Variants in GABRG3 observed in about 807,000 individuals in gnomAD.
GABRG3 encodes gamma-aminobutyric acid type A receptor subunit gamma3, also known as gamma-aminobutyric acid receptor subunit gamma-3.
GABRG3 carries 25 observed loss-of-function variants against 48.8 expected under a neutral mutation model. The ratio of observed to expected loss-of-function variants is 0.51; its 90% CI spans 0.37 to 0.72. The LOEUF is 0.72. Ranked by LOEUF, GABRG3 falls within the 30% of genes least tolerant of loss-of-function variation. GABRG3 has a pLI of 0.00. For synonymous variants in GABRG3, 227 were observed against 217.6 expected (o/e 1.04, Z -0.38); for missense variants, 394 against 577.9 (o/e 0.68, Z 3.26).
At chr15:27,438,514 C>T (rs1280849364) in intron 5 of GABRG3, among the ~76,000 whole-genome samples, 1 of 152,190 alleles carries the variant, frequency 6.6e-6, no homozygotes, top group Non-Finnish European at 1.5e-5. Flanking sequence ...AGCTCTGGAA[C>T]AGTCACCCCA....
chr15:26,978,727 A>G (rs1317051404), intron 2 of GABRG3, among the ~76,000 whole-genome samples: 2 of 152,178 alleles, frequency 1.3e-5, no homozygotes, highest in Admixed American at 6.5e-5. Flanking sequence ...TTATTACCAT[A>G]GCTGTATAAT....
intron 3 of GABRG3, among the ~76,000 whole-genome samples, chr15:27,042,812 C>T (rs527293537): frequency 7.8e-4 from 119 of 152,294 alleles, no homozygotes; most frequent in African/African-American, 2.8e-3. Context: ...TCAGGCTGGC[C>T]TGTCCTGGGA....
At chr15:27,298,680 C>T (rs1892087257) in intron 3 of GABRG3, among the ~76,000 whole-genome samples, 1 of 151,476 alleles carries the variant, frequency 6.6e-6, no homozygotes, top group Non-Finnish European at 1.5e-5. Flanking sequence ...TTTTATATTT[C>T]CAATCCTTTA....
chr15:27,224,205 G>C (rs1392060081), intron 3 of GABRG3, among the ~76,000 whole-genome samples: 1 of 152,144 alleles, frequency 6.6e-6, no homozygotes, highest in South Asian at 2.1e-4. Context: ...TTTCATCCCC[G>C]GTGCTTTCCG....
intron 5 of GABRG3, among the ~76,000 whole-genome samples, chr15:27,438,199 C>A (rs1220239144): frequency 6.6e-6 from 1 of 152,170 alleles, no homozygotes; most frequent in African/African-American, 2.4e-5. Flanking sequence ...AGCCAGGTTC[C>A]ACTCTCCTGA....
At chr15:27,407,340 A>G (rs1321102010) in intron 5 of GABRG3, among the ~76,000 whole-genome samples, 2 of 152,212 alleles carry the variant, frequency 1.3e-5, no homozygotes, top group Non-Finnish European at 2.9e-5. Context: ...ATGGAGCAGC[A>G]GGAACTCTCA....
chr15:27,333,878 A>T (rs529063424), intron 5 of GABRG3, among the ~76,000 whole-genome samples: 2 of 152,250 alleles, frequency 1.3e-5, no homozygotes, highest in East Asian at 3.9e-4. Flanking sequence ...GTCTTAATAT[A>T]TTTTATGGAA....
chr15:27,286,357 C>T (rs879614575), intron 3 of GABRG3, among the ~76,000 whole-genome samples: 8 of 152,308 alleles, frequency 5.3e-5, no homozygotes, highest in East Asian at 1.9e-4. Context: ...TCTTTTTCCA[C>T]GGCTGACTCC....
At chr15:27,159,684 G>T (rs1031670928) in intron 3 of GABRG3, among the ~76,000 whole-genome samples, 1 of 151,862 alleles carries the variant, frequency 6.6e-6, no homozygotes, top group African/African-American at 2.4e-5. Flanking sequence ...TTCCCCTTTT[G>T]TTCCCCCGCT....
At chr15:27,208,951 G>A (rs952047074) in intron 3 of GABRG3, among the ~76,000 whole-genome samples, 1 of 152,080 alleles carries the variant, frequency 6.6e-6, no homozygotes, top group Non-Finnish European at 1.5e-5. Context: ...AGAAACTGAA[G>A]AAAAAAGAGA....
In GABRG3 at chr15:27,357,694, A is replaced by G. The variant is rs563074711; in HGVS notation, c.574+28806A>G. ...GATTTTCATATCTGCTTCCGCATTC[A>G]ATCTGTTGCAACATGTAATTTCTGT... On this transcript the variant is annotated intron_variant, in intron 5 of 9. Transcript: ENST00000615808. Among the ~76,000 whole-genome samples the G allele has an allele frequency of 6.3e-4, 96 of 152,350 alleles. 1 individual carries two copies. The highest frequency in any genetic ancestry group is 2.3e-3 in the African/African-American group (94 of 41,588).
intron 3 of GABRG3, among the ~76,000 whole-genome samples, chr15:27,126,524 A>G (rs1897823954): frequency 6.6e-6 from 1 of 152,170 alleles, no homozygotes; most frequent in African/African-American, 2.4e-5. Context: ...GTGGTGCGCC[A>G]TGGCCAACTG....
intron 5 of GABRG3, among the ~76,000 whole-genome samples, chr15:27,430,036 A>G (rs1888404034): frequency 1.3e-5 from 2 of 152,164 alleles, no homozygotes; most frequent in East Asian, 1.9e-4. Context: ...AGGGGGTTTC[A>G]ATTTCTCCAC....
intron 3 of GABRG3, among the ~76,000 whole-genome samples, chr15:27,256,557 CG>C (rs1890628706): frequency 1.3e-5 from 2 of 151,898 alleles, no homozygotes; most frequent in Non-Finnish European, 2.9e-5. Flanking sequence ...TCAGACATTT[CG>C]GGGTGCCAGC....
chr15:27,479,486 G>A (rs1890043434), intron 5 of GABRG3, among the ~76,000 whole-genome samples: 1 of 152,216 alleles, frequency 6.6e-6, no homozygotes, highest in African/African-American at 2.4e-5. Flanking sequence ...GTGGAGCCAA[G>A]CCAGCAATGT....
intron 3 of GABRG3, among the ~76,000 whole-genome samples, chr15:27,299,146 T>C (rs1370802192): frequency 1.3e-5 from 2 of 150,760 alleles, no homozygotes; most frequent in Non-Finnish European, 3.0e-5. Flanking sequence ...TAGCTGGGTG[T>C]GGTGGCAGGT....
chr15:27,430,989 CAATAAATA>C (rs61461156), intron 5 of GABRG3, among the ~76,000 whole-genome samples: 3,250 of 141,178 alleles, frequency 0.023, 66 homozygotes, highest in African/African-American at 0.045. Context: ...GTCCCTGTCT[CAATAAATA>C]AATAAATAAA....
chr15:27,307,261 TTATATGTTTATATATAACCATAGGTTTA>T (rs1197636992), intron 3 of GABRG3, among the ~76,000 whole-genome samples: 17 of 40,104 alleles, frequency 4.2e-4, no homozygotes, highest in Non-Finnish European at 8.3e-4. Context: ...CATGTTCATA[TTATATGTTTATATATAACCATAGGTTTA>T]TATATGTTTA....
intron 3 of GABRG3, among the ~76,000 whole-genome samples, chr15:27,313,254 G>A (rs1386107103): frequency 1.6e-4 from 10 of 62,562 alleles, no homozygotes; most frequent in African/African-American, 6.3e-4. Context: ...GTGTGTGTGT[G>A]TGTGTGTGTA....
Sources: gnomAD v4.1 joint callset for allele counts (sites outside exome capture counted in the v4.1 genomes callset) on GRCh38, gnomAD v4.1.1 for gene constraint, MANE v1.5 for transcripts, NCBI Gene and HGNC (gene_info 2026-07-23, HGNC 2026-07-21) for gene names.